The following SGCZ variants were observed in gnomAD, a reference collection of about 807,000 sequenced individuals.
The protein encoded by SGCZ is sarcoglycan zeta.
A neutral mutation model predicts 41.3 loss-of-function variants in SGCZ; 40 were observed. That is an observed-to-expected ratio of 0.97 (90% confidence interval 0.75 to 1.26). The LOEUF (loss-of-function observed/expected upper bound fraction) is 1.26. SGCZ is among the 50% of genes most tolerant of loss of function. The pLI, the probability that SGCZ is intolerant of heterozygous loss-of-function variation, is 0.00. For missense variants in SGCZ, 552 were observed against 369.8 expected, an observed-to-expected ratio of 1.49 and a Z score of -4.04; for synonymous variants, 206 against 137.5, an observed-to-expected ratio of 1.50 and a Z score of -3.49.
At chr8:15,062,959 T>G (rs781736495) in intron 1 of SGCZ, among the ~76,000 whole-genome samples, 1 of 152,094 alleles carries the variant, frequency 6.6e-6, no homozygotes, top group Non-Finnish European at 1.5e-5. Context: ...CTCAGAAAGA[T>G]ACTAAAAAGA....
intron 2 of SGCZ, among the ~76,000 whole-genome samples, chr8:14,419,684 T>C (rs1799587556): frequency 6.6e-6 from 1 of 152,054 alleles, no homozygotes; most frequent in Non-Finnish European, 1.5e-5. Context: ...CATTTCTATA[T>C]TACCCCAACT....
intron 1 of SGCZ, among the ~76,000 whole-genome samples, chr8:14,777,368 A>G (rs542906041): frequency 2.4e-4 from 36 of 152,376 alleles, no homozygotes; most frequent in African/African-American, 7.9e-4. Context: ...GAATAAAAAA[A>G]TACGTCAGTA....
intron 4 of SGCZ, among the ~76,000 whole-genome samples, chr8:14,176,465 T>C (rs943414955): frequency 1.3e-5 from 2 of 152,250 alleles, no homozygotes; most frequent in African/African-American, 4.8e-5. Flanking sequence ...AATTACAATA[T>C]TATTGTCAAA....
At chr8:14,740,865 T>C (rs1216579067) in intron 1 of SGCZ, among the ~76,000 whole-genome samples, 6 of 152,026 alleles carry the variant, frequency 3.9e-5, no homozygotes, top group Admixed American at 2.6e-4. Flanking sequence ...TCCATTTATG[T>C]TTAAACATAC....
chr8:14,233,644 A>G (rs901273254), intron 4 of SGCZ, among the ~76,000 whole-genome samples: 1 of 149,414 alleles, frequency 6.7e-6, no homozygotes, highest in African/African-American at 2.4e-5. Context: ...TAATAAAACA[A>G]ATTTCACAAA....
intron 2 of SGCZ, among the ~76,000 whole-genome samples, chr8:14,508,118 G>A (rs1802362667): frequency 6.6e-6 from 1 of 152,012 alleles, no homozygotes. Flanking sequence ...TATTTGAACT[G>A]CAATCCCTTG....
At chr8:14,739,346 A>G (rs1222788705) in intron 1 of SGCZ, among the ~76,000 whole-genome samples, 2 of 152,116 alleles carry the variant, frequency 1.3e-5, no homozygotes, top group African/African-American at 4.8e-5. Context: ...GCATTTATTC[A>G]TATTCAATAA....
intron 2 of SGCZ, among the ~76,000 whole-genome samples, chr8:14,457,483 A>G (rs1359361677): frequency 6.6e-6 from 1 of 152,010 alleles, no homozygotes; most frequent in Admixed American, 6.6e-5. Flanking sequence ...TGCTCCTCCA[A>G]CTCTTGTGGA....
At chr8:14,099,329 C>A (rs1214760229) in intron 7 of SGCZ, among the ~76,000 whole-genome samples, 1 of 152,208 alleles carries the variant, frequency 6.6e-6, no homozygotes, top group African/African-American at 2.4e-5. Context: ...TGATCTCAAT[C>A]ACATCCCTGA....
At chr8:14,786,851 A>G (rs531513238) in intron 1 of SGCZ, among the ~76,000 whole-genome samples, 1 of 71,404 alleles carries the variant, frequency 1.4e-5, no homozygotes, top group East Asian at 4.5e-4. Flanking sequence ...AAAAAAAAAA[A>G]CAAAAAACAC....
intron 5 of SGCZ, among the ~76,000 whole-genome samples, chr8:14,147,833 A>T (rs931575343): frequency 6.6e-5 from 10 of 152,110 alleles, no homozygotes; most frequent in East Asian, 5.8e-4. Flanking sequence ...GAAAACATTT[A>T]AAAAAATGGA....
intron 3 of SGCZ, among the ~76,000 whole-genome samples, chr8:14,252,859 G>A (rs1473740509): frequency 2.0e-5 from 3 of 152,070 alleles, no homozygotes; most frequent in African/African-American, 4.8e-5. Flanking sequence ...TCAACTCCCT[G>A]TTTCTGAAAT....
chr8:14,702,380 C>A (rs1809166327), intron 1 of SGCZ, among the ~76,000 whole-genome samples: 1 of 151,882 alleles, frequency 6.6e-6, no homozygotes, highest in Non-Finnish European at 1.5e-5. Context: ...CTTAAGTGAT[C>A]CAATCCAGCC....
chr8:14,582,875 A>C (rs1804938383), intron 1 of SGCZ, among the ~76,000 whole-genome samples: 2 of 151,420 alleles, frequency 1.3e-5, no homozygotes, highest in Admixed American at 1.3e-4. Flanking sequence ...TCCATGGTGT[A>C]TATGTGCCAC....
intron 1 of SGCZ, among the ~76,000 whole-genome samples, chr8:14,860,534 G>C (rs1220534253): frequency 7.5e-6 from 1 of 133,082 alleles, no homozygotes; most frequent in East Asian, 2.1e-4. Flanking sequence ...AAGAAGGAAA[G>C]AATGAAAGAA....
chr8:14,959,442 G>C (rs1281396025), intron 1 of SGCZ, among the ~76,000 whole-genome samples: 2 of 152,010 alleles, frequency 1.3e-5, no homozygotes, highest in Non-Finnish European at 2.9e-5. Context: ...CCAAATTAAT[G>C]GGTAAATACA....
In SGCZ at chr8:14,208,260, A is replaced by G. The variant is rs1452351008; in HGVS notation, c.424+29332T>C. 4.6e-5 allele frequency among the ~76,000 whole-genome samples: 7 copies of G among 152,338 alleles called. No homozygotes were observed. In the East Asian group the frequency reaches 1.3e-3, roughly 29 times the overall value. On this transcript the variant is annotated intron_variant, in intron 4 of 7. Coordinates refer to ENST00000382080, the MANE Select transcript of SGCZ (RefSeq NM_139167.4). ...ATGACAGATAATTTAAAGGCAATGC[A>G]TATAATTAACAGGATTAACATCTGA...
chr8:15,085,245 A>G (rs920830129), intron 1 of SGCZ, among the ~76,000 whole-genome samples: 15 of 152,142 alleles, frequency 9.9e-5, no homozygotes, highest in Admixed American at 3.3e-4. Context: ...CTTAACTTCT[A>G]TGCTCTCATT....
At chr8:14,145,554 A>T (rs1225445664) in intron 5 of SGCZ, among the ~76,000 whole-genome samples, 1 of 152,224 alleles carries the variant, frequency 6.6e-6, no homozygotes, top group East Asian at 1.9e-4. Context: ...TAATATCAAC[A>T]CTATCCAGGA....
Sources: allele counts gnomAD v4.1 joint callset (sites outside exome capture counted in the v4.1 genomes callset), GRCh38; gene constraint gnomAD v4.1.1; transcripts MANE v1.5; gene names NCBI Gene and HGNC (gene_info 2026-07-23, HGNC 2026-07-21).